Variants in LPAR6 observed in about 807,000 individuals in gnomAD.
LPAR6 encodes the protein G-protein coupled purinergic receptor P2Y5.
A neutral mutation model predicts 22.0 loss-of-function variants in LPAR6; 17 were observed. The observed-to-expected ratio is 0.77, with a 90% CI of 0.53 to 1.16. The LOEUF (loss-of-function observed/expected upper bound fraction) is 1.16, where lower values mean the gene tolerates loss of function less well. LPAR6 is among the 50% of genes most tolerant of loss of function. LPAR6 has a pLI of 0.00. For synonymous variants in LPAR6, 136 were observed against 139.8 expected, an observed-to-expected ratio of 0.97 and a Z score of 0.19; for missense variants, 384 against 406.9, an observed-to-expected ratio of 0.94 and a Z score of 0.48.
intron 1 of LPAR6, among the ~76,000 whole-genome samples, chr13:48,397,578 C>A (rs1384191797): frequency 2.6e-5 from 4 of 152,106 alleles, no homozygotes; most frequent in African/African-American, 7.2e-5. Context: ...ACCACCATGG[C>A]ACGCGTATAC....
upstream of LPAR6, chr13:48,417,192 G>A (rs1948926279): frequency 6.6e-6 from 1 of 152,618 alleles, no homozygotes; most frequent in African/African-American, 2.4e-5. Flanking sequence ...CTGCCGTCTG[G>A]TGGGTGCCCC....
intron 1 of LPAR6, among the ~76,000 whole-genome samples, chr13:48,405,325 T>C (rs1948730031): frequency 6.6e-6 from 1 of 152,166 alleles, no homozygotes; most frequent in Admixed American, 6.5e-5. Flanking sequence ...ATAAGAGTAA[T>C]AATGAATTTG....
upstream of LPAR6, among the ~76,000 whole-genome samples, chr13:48,417,511 T>C (rs562238511): frequency 2.0e-4 from 30 of 152,208 alleles, no homozygotes; most frequent in East Asian, 5.4e-3. Flanking sequence ...AAAACCAGAA[T>C]GCCTTTTCTC....
chr13:48,430,582 A>C (rs1193400635), upstream of LPAR6, among the ~76,000 whole-genome samples: 2 of 152,132 alleles, frequency 1.3e-5, no homozygotes, highest in Non-Finnish European at 2.9e-5. Context: ...TCTACTAAAA[A>C]TACAAAAATT....
At position 48,424,705 on chromosome 13, in the gene LPAR6, A is replaced by G. The variant is rs566526748; in HGVS notation, c.-1094-1915T>C. On this transcript the variant is annotated intron_variant, in intron 1 of 4. Coordinates refer to the LPAR6 transcript ENST00000345941. Reference sequence around the variant, plus strand: ...TTAATCTCATCAGTTCCTTTTCTGTACTTCCACAGTACTTAGTTTGCCTTT... The same window carrying G: ...TTAATCTCATCAGTTCCTTTTCTGTGCTTCCACAGTACTTAGTTTGCCTTT... 3.3e-5 allele frequency among the ~76,000 whole-genome samples: 5 copies of G among 152,094 alleles called. No homozygotes were observed. In the East Asian group the frequency reaches 9.7e-4, roughly 29 times the overall value.
At chr13:48,403,279 G>A (rs112381466) in intron 1 of LPAR6, among the ~76,000 whole-genome samples, 3 of 152,092 alleles carry the variant, frequency 2.0e-5, no homozygotes, top group East Asian at 3.9e-4. Context: ...TCAGTGTATC[G>A]GAAGAGCAGA....
chr13:48,411,427 A>G lies in LPAR6; in HGVS notation c.997T>C (p.Leu333=). The part of the protein sequence containing the change: ...ENFIQHNLQT[L]KSKIFDNESA... ...TCATTGTCAAATATCTTACTTTTTA[A>G]GGTCTGTAGGTTATGCTGAATAAAA... Residue 333 remains leucine (L), a synonymous_variant, in exon 1 of 1, where the codon TTA becomes CTA. Transcript: ENST00000620633. 1 of 1,612,970 alleles carries G rather than the reference A, an allele frequency of 6.2e-7. No individual in the cohort carries two copies.
At chr13:48,394,249 G>T (rs190791737) in intron 1 of LPAR6, among the ~76,000 whole-genome samples, 3 of 152,156 alleles carry the variant, frequency 2.0e-5, no homozygotes, top group African/African-American at 7.2e-5. Flanking sequence ...CACAGTCTTC[G>T]CAACCCACAG....
At chr13:48,436,092 AG>A (rs770418690) in intron 1 of LPAR6, among the ~76,000 whole-genome samples, 11 of 152,206 alleles carry the variant, frequency 7.2e-5, no homozygotes, top group African/African-American at 2.4e-4. Flanking sequence ...AGGTTAACTG[AG>A]GATAATTTTA....
chr13:48,390,798 T>C (rs2138158534), intron 1 of LPAR6, among the ~76,000 whole-genome samples: 1 of 152,340 alleles, frequency 6.6e-6, no homozygotes, highest in East Asian at 1.9e-4. Flanking sequence ...TTCCCATTAA[T>C]ATCAACATGG....
At chr13:48,408,725 G>T (rs1422957158), downstream of LPAR6, 2 of 152,036 alleles carry the variant, frequency 1.3e-5, no homozygotes, top group African/African-American at 2.4e-5. Context: ...GTTATGTATT[G>T]CTTTATGAAG....
At chr13:48,417,489 CT>C (rs1948932728), upstream of LPAR6, among the ~76,000 whole-genome samples, 1 of 152,158 alleles carries the variant, frequency 6.6e-6, no homozygotes, top group Non-Finnish European at 1.5e-5. Flanking sequence ...CGCAAAAAGG[CT>C]GACAATTCCA....
intron 1 of LPAR6, among the ~76,000 whole-genome samples, chr13:48,392,466 T>C (rs983194758): frequency 2.0e-5 from 3 of 152,176 alleles, no homozygotes; most frequent in African/African-American, 7.2e-5. Flanking sequence ...GTATTTCATG[T>C]TGAATACCTT....
At chr13:48,429,030 T>G (rs756758751), upstream of LPAR6, among the ~76,000 whole-genome samples, 4 of 152,192 alleles carry the variant, frequency 2.6e-5, no homozygotes, top group Admixed American at 1.3e-4. Flanking sequence ...CCTGAATTCT[T>G]TTGCTCCCAG....
intron 1 of LPAR6, among the ~76,000 whole-genome samples, chr13:48,392,834 A>G (rs1948621669): frequency 6.6e-6 from 1 of 151,884 alleles, no homozygotes; most frequent in East Asian, 1.9e-4. Context: ...GGTGCCAGAT[A>G]TCATGAATTT....
chr13:48,410,403 A>G (rs1042141932), downstream of LPAR6, among the ~76,000 whole-genome samples: 1 of 152,180 alleles, frequency 6.6e-6, no homozygotes, highest in Non-Finnish European at 1.5e-5. Context: ...GTAATAGTGT[A>G]TACCTTCTAG....
intron 1 of LPAR6, among the ~76,000 whole-genome samples, chr13:48,396,323 A>AG (rs1392130191): frequency 6.6e-6 from 1 of 152,146 alleles, no homozygotes; most frequent in African/African-American, 2.4e-5. Context: ...AACAGAACAG[A>AG]GACCTCAGAA....
In LPAR6 at chr13:48,411,745, C is replaced by G; in HGVS notation, c.679G>C (p.Val227Leu). ...AAATGTACAAAAATCATTTTTAAAA[C>G]CTTAGTTTTGTTTATTTTGCTTCTA... ...LSRSKINKTKVLKMIFVHLII... is the reference protein window; with the variant it reads ...LSRSKINKTKLLKMIFVHLII... The change falls in exon 1 of 1, where the codon GTT (valine) becomes CTT (leucine). Residue 227 changes from valine to leucine, a missense_variant. Transcript: ENST00000620633. 6.2e-7 allele frequency: 1 copy of G among 1,609,774 alleles called. No homozygotes were observed. The highest frequency in any genetic ancestry group is 8.5e-7 in the Non-Finnish European group (1 of 1,176,334).
chr13:48,439,932 TAAG>T (rs1949220287), intron 1 of LPAR6: 1 of 152,110 alleles, frequency 6.6e-6, no homozygotes, highest in East Asian at 1.9e-4. Context: ...TTATACTTCT[TAAG>T]GAGGTGGTGG....
Sources: gnomAD v4.1 joint callset for allele counts (sites outside exome capture counted in the v4.1 genomes callset) on GRCh38, gnomAD v4.1.1 for gene constraint, MANE v1.5 for transcripts, NCBI Gene and HGNC (gene_info 2026-07-23, HGNC 2026-07-21) for gene names.